KCNB2: variants seen among roughly 807,000 people sequenced by gnomAD.
KCNB2 encodes the protein delayed rectifier potassium channel protein.
A neutral mutation model predicts 61.5 loss-of-function variants in KCNB2; 15 were observed. That is an observed-to-expected ratio of 0.24 (90% CI 0.16 to 0.38). The LOEUF is 0.38. Ranked by LOEUF, KCNB2 falls within the 10% of genes least tolerant of loss-of-function variation. The pLI is 1.00. For synonymous variants in KCNB2, 457 were observed against 446.0 expected, an observed-to-expected ratio of 1.02 and a Z score of -0.31; for missense variants, 828 against 1,125.2, an observed-to-expected ratio of 0.74 and a Z score of 3.78.
At position 72,869,881 on chromosome 8, in the gene KCNB2, A is replaced by G. The variant is rs945433828; in HGVS notation, c.580-66054A>G. ...ATTAAAATCAGGATTTCAAGGTGGTATCTGCACCCCCCTATTCACTGCGGT... is the reference window on the plus strand; with the variant it reads ...ATTAAAATCAGGATTTCAAGGTGGTGTCTGCACCCCCCTATTCACTGCGGT... On this transcript the variant is annotated intron_variant, in intron 2 of 2. Coordinates refer to ENST00000523207, the MANE Select transcript of KCNB2 (RefSeq NM_004770.3). 3.3e-5 allele frequency among the ~76,000 whole-genome samples: 5 copies of G among 152,326 alleles called. 1 individual carries two copies. Among genetic ancestry groups the G allele is most frequent in the Admixed American group, 6.5e-5 (1 of 15,308 alleles).
intron 2 of KCNB2, among the ~76,000 whole-genome samples, chr8:72,690,280 A>G: frequency 6.6e-6 from 1 of 152,198 alleles, no homozygotes; most frequent in East Asian, 1.9e-4. Flanking sequence ...CTGCCCAGTA[A>G]GAGCAACCAT....
chr8:72,797,551 A>G (rs763715882), intron 2 of KCNB2, among the ~76,000 whole-genome samples: 2 of 152,208 alleles, frequency 1.3e-5, no homozygotes, highest in African/African-American at 4.8e-5. Context: ...TTTTAACTTT[A>G]TCACTGAGAA....
chr8:72,749,859 T>A (rs1477199292), intron 2 of KCNB2, among the ~76,000 whole-genome samples: 1 of 147,106 alleles, frequency 6.8e-6, no homozygotes, highest in East Asian at 2.0e-4. Context: ...TTATATATAT[T>A]TTTATATATA....
chr8:72,723,522 A>C (rs1334322002), intron 2 of KCNB2, among the ~76,000 whole-genome samples: 1 of 152,042 alleles, frequency 6.6e-6, no homozygotes, highest in East Asian at 1.9e-4. Context: ...ACAGGAAGTG[A>C]TTGTCCTCTT....
intron 2 of KCNB2, among the ~76,000 whole-genome samples, chr8:72,924,818 G>A (rs905251353): frequency 3.3e-5 from 5 of 152,106 alleles, no homozygotes; most frequent in Non-Finnish European, 7.4e-5. Context: ...AAGAACACCT[G>A]TCATGCTTGC....
At chr8:72,927,073 G>A (rs994088911) in intron 2 of KCNB2, among the ~76,000 whole-genome samples, 2 of 152,250 alleles carry the variant, frequency 1.3e-5, no homozygotes, top group Admixed American at 6.5e-5. Flanking sequence ...GAGTGGGGCC[G>A]GAGAATTAGC....
intron 2 of KCNB2, among the ~76,000 whole-genome samples, chr8:72,603,807 A>C (rs539681800): frequency 6.6e-6 from 1 of 152,328 alleles, no homozygotes; most frequent in East Asian, 1.9e-4. Flanking sequence ...CCTTATAAGA[A>C]AAAAATTCAG....
intron 2 of KCNB2, among the ~76,000 whole-genome samples, chr8:72,618,364 T>A (rs954140127): frequency 6.6e-6 from 1 of 152,204 alleles, no homozygotes; most frequent in Non-Finnish European, 1.5e-5. Context: ...TCACCCTAAG[T>A]ATTAGTTTAA....
intron 2 of KCNB2, among the ~76,000 whole-genome samples, chr8:72,695,995 G>A (rs1240797358): frequency 6.6e-6 from 1 of 152,172 alleles, no homozygotes; most frequent in African/African-American, 2.4e-5. Flanking sequence ...CTCGGCTGTA[G>A]CCCATGAACC....
intron 2 of KCNB2, among the ~76,000 whole-genome samples, chr8:72,654,729 G>A (rs192854712): frequency 2.1e-4 from 32 of 152,228 alleles, no homozygotes; most frequent in African/African-American, 6.7e-4. Context: ...AAAGCAACTA[G>A]TGAACCTGAA....
At chr8:72,899,321 G>C (rs112323890) in intron 2 of KCNB2, among the ~76,000 whole-genome samples, 1 of 152,110 alleles carries the variant, frequency 6.6e-6, no homozygotes, top group Non-Finnish European at 1.5e-5. Flanking sequence ...CATTCCCCTT[G>C]AGGGGAATGA....
intron 2 of KCNB2, among the ~76,000 whole-genome samples, chr8:72,779,869 A>T (rs2251899): frequency 0.35 from 52,567 of 152,050 alleles, 9,520 homozygotes; most frequent in African/African-American, 0.45. Flanking sequence ...GTGACTCGGT[A>T]TTCAATATCC....
At chr8:72,816,617 T>A (rs1809400549) in intron 2 of KCNB2, among the ~76,000 whole-genome samples, 1 of 152,218 alleles carries the variant, frequency 6.6e-6, no homozygotes, top group East Asian at 1.9e-4. Context: ...GATATTTTTG[T>A]GGTATGAATT....
At chr8:72,843,043 G>A (rs141589216) in intron 2 of KCNB2, among the ~76,000 whole-genome samples, 1,893 of 152,122 alleles carry the variant, frequency 0.012, 43 homozygotes, top group African/African-American at 0.042. Context: ...GTCAATTTTA[G>A]ATCTTTCCCT....
chr8:72,695,196 G>A (rs1471776305), intron 2 of KCNB2, among the ~76,000 whole-genome samples: 1 of 152,086 alleles, frequency 6.6e-6, no homozygotes, highest in Non-Finnish European at 1.5e-5. Flanking sequence ...CAGTTTGTTT[G>A]ATATAAATAA....
chr8:72,714,418 A>G (rs924135790), intron 2 of KCNB2, among the ~76,000 whole-genome samples: 3 of 152,320 alleles, frequency 2.0e-5, no homozygotes, highest in Non-Finnish European at 4.4e-5. Context: ...GAGAAAGGTC[A>G]GGTTACCCAC....
At chr8:72,884,898 G>A (rs1805775909) in intron 2 of KCNB2, among the ~76,000 whole-genome samples, 1 of 152,082 alleles carries the variant, frequency 6.6e-6, no homozygotes, top group South Asian at 2.1e-4. Flanking sequence ...TCCTCCCAAT[G>A]ACTTTTAAGA....
chr8:72,908,151 G>A (rs1806211451), intron 2 of KCNB2, among the ~76,000 whole-genome samples: 1 of 151,708 alleles, frequency 6.6e-6, no homozygotes, highest in Non-Finnish European at 1.5e-5. Flanking sequence ...CTCCTCTTTT[G>A]TGCATGCACT....
At chr8:72,549,443 A>T (rs1432091003) in intron 1 of KCNB2, among the ~76,000 whole-genome samples, 1 of 152,152 alleles carries the variant, frequency 6.6e-6, no homozygotes, top group African/African-American at 2.4e-5. Flanking sequence ...AAACATCTTG[A>T]CTCAGGTGTG....
Sources: gnomAD v4.1 joint callset for allele counts (sites outside exome capture counted in the v4.1 genomes callset) on GRCh38, gnomAD v4.1.1 for gene constraint, MANE v1.5 for transcripts, NCBI Gene and HGNC (gene_info 2026-07-23, HGNC 2026-07-21) for gene names.